The following KCNH7 variants were observed in gnomAD, a reference collection of about 807,000 sequenced individuals.
KCNH7 encodes the protein voltage-gated inwardly rectifying potassium channel KCNH7.
KCNH7 carries 49 observed loss-of-function variants against 120.8 expected under a neutral mutation model. The observed-to-expected ratio is 0.41, with a 90% CI of 0.32 to 0.51. The LOEUF (loss-of-function observed/expected upper bound fraction) is 0.51, where lower values mean the gene tolerates loss of function less well. KCNH7 is among the 20% of genes least tolerant of loss of function. The pLI, the probability that KCNH7 is intolerant of heterozygous loss-of-function variation, is 0.38. For synonymous variants in KCNH7, 547 were observed against 516.1 expected, an observed-to-expected ratio of 1.06 and a Z score of -0.81; for missense variants, 1,097 against 1,446.6, an observed-to-expected ratio of 0.76 and a Z score of 3.92.
At position 162,753,162 on chromosome 2, in the gene KCNH7, CTTTCT is replaced by C. The variant is rs1688665497; in HGVS notation, c.307+83370_307+83374del. Among the ~76,000 whole-genome samples the C allele has an allele frequency of 2.0e-5, 3 of 151,804 alleles. No homozygotes were observed. In the South Asian group the frequency reaches 6.2e-4, roughly 32 times the overall value. ...TTATAATTTGGCCCTGTCTTTGTTT[CTTTCT>C]TACTTGTTTGCTCATCGTGAGAATG... On this transcript the variant is annotated intron_variant, in intron 2 of 15. Coordinates refer to ENST00000332142, the MANE Select transcript of KCNH7 (RefSeq NM_033272.4).
At chr2:162,775,144 G>T (rs1683187573) in intron 2 of KCNH7, among the ~76,000 whole-genome samples, 1 of 151,958 alleles carries the variant, frequency 6.6e-6, no homozygotes, top group Non-Finnish European at 1.5e-5. Context: ...CTCTCCTACT[G>T]CATGCCTTCT....
chr2:162,633,604 T>C (rs1359922874), intron 2 of KCNH7, among the ~76,000 whole-genome samples: 1 of 152,002 alleles, frequency 6.6e-6, no homozygotes, highest in Non-Finnish European at 1.5e-5. Flanking sequence ...TTAATCCATC[T>C]AGAATTTATT....
intron 9 of KCNH7, among the ~76,000 whole-genome samples, chr2:162,421,414 T>C (rs572532981): frequency 3.9e-5 from 6 of 152,308 alleles, no homozygotes; most frequent in Admixed American, 2.6e-4. Context: ...GGTCAAGTCA[T>C]TGTTAAAGTT....
At position 162,809,936 on chromosome 2, in the gene KCNH7, G is replaced by A. The variant is rs1435970316; in HGVS notation, c.307+26601C>T. Among the ~76,000 whole-genome samples the A allele has an allele frequency of 1.6e-4, 2 of 12,354 alleles. 1 individual carries two copies. Among genetic ancestry groups the A allele is most frequent in the Non-Finnish European group, 3.8e-4 (2 of 5,300 alleles). 8.1% of individuals were successfully genotyped at this position (12,354 alleles called of 152,430 possible). ...TTTTTTTTTTTTTTTTTTTTTTTGA[G>A]ACGGAGTCTCGCTCTGTCGCCCAGG... On this transcript the variant is annotated intron_variant, in intron 2 of 15. Transcript: ENST00000332142.
At position 162,567,298 on chromosome 2, in the gene KCNH7, T is replaced by C. The variant is rs1693290092; in HGVS notation, c.308-30218A>G. Among the ~76,000 whole-genome samples, 4 of 152,010 alleles carry C rather than the reference T, an allele frequency of 2.6e-5. No individual in the cohort carries two copies. The South Asian group carries it at 8.3e-4, about 31-fold the overall frequency. On this transcript the variant is annotated intron_variant, in intron 2 of 15. Coordinates refer to ENST00000332142, the MANE Select transcript of KCNH7 (RefSeq NM_033272.4). Reference sequence around the variant, plus strand: ...AAAGAGATCCCTCTTTTTTACTCTCTTTTCTTCCTGCCTTCCTTTCAGAAA... The same window carrying C: ...AAAGAGATCCCTCTTTTTTACTCTCCTTTCTTCCTGCCTTCCTTTCAGAAA...
At chr2:162,641,145 A>G (rs1171547185) in intron 2 of KCNH7, among the ~76,000 whole-genome samples, 1 of 152,214 alleles carries the variant, frequency 6.6e-6, no homozygotes, top group African/African-American at 2.4e-5. Context: ...TCAACGCAGA[A>G]CTACCACATG....
At position 162,704,279 on chromosome 2, in the gene KCNH7, TA is replaced by T. The variant is rs893070920; in HGVS notation, c.307+132257del. Among the ~76,000 whole-genome samples, 5 of 152,130 alleles carry T rather than the reference TA, an allele frequency of 3.3e-5. No individual in the cohort carries two copies. The South Asian group carries it at 6.2e-4, about 19-fold the overall frequency. ...CCAGAGTGGGCCAATGTTGATAGAT[TA>T]AAAAATTAAAAGGTGCAAAATAATG... On this transcript the variant is annotated intron_variant, in intron 2 of 15. Transcript: ENST00000332142.
intron 2 of KCNH7, among the ~76,000 whole-genome samples, chr2:162,754,310 G>A (rs1448079160): frequency 6.6e-6 from 1 of 151,924 alleles, no homozygotes; most frequent in Non-Finnish European, 1.5e-5. Flanking sequence ...GAAAGAGAAC[G>A]AAAAAGAAAG....
At chr2:162,508,934 C>T (rs978706719) in intron 5 of KCNH7, among the ~76,000 whole-genome samples, 12 of 151,522 alleles carry the variant, frequency 7.9e-5, no homozygotes, top group African/African-American at 2.4e-4. Flanking sequence ...TCATGTAAAA[C>T]GCAGAAGCAT....
At chr2:162,698,582 A>G (rs1208926060) in intron 2 of KCNH7, among the ~76,000 whole-genome samples, 3 of 152,118 alleles carry the variant, frequency 2.0e-5, no homozygotes, top group Non-Finnish European at 2.9e-5. Context: ...GTGTTTGAGC[A>G]AAACTCAAAG....
intron 2 of KCNH7, among the ~76,000 whole-genome samples, chr2:162,654,711 C>T (rs964172568): frequency 6.6e-6 from 1 of 152,024 alleles, no homozygotes; most frequent in Non-Finnish European, 1.5e-5. Flanking sequence ...GGTCACTGAG[C>T]ATTATTCACA....
intron 2 of KCNH7, among the ~76,000 whole-genome samples, chr2:162,677,906 T>C (rs1259693020): frequency 6.6e-6 from 1 of 151,530 alleles, no homozygotes; most frequent in Non-Finnish European, 1.5e-5. Flanking sequence ...TCTATTCATT[T>C]ATTGTCCATT....
chr2:162,435,743 C>CT (rs543612496), intron 7 of KCNH7, 146 bp from the exon 8 acceptor site: 3,389 of 634,062 alleles, frequency 5.3e-3, no homozygotes, highest in South Asian at 0.01. Context: ...AAACTTGGTT[C>CT]TTTTTTTTTT....
chr2:162,752,838 T>G, intron 2 of KCNH7, among the ~76,000 whole-genome samples: 1 of 147,970 alleles, frequency 6.8e-6, no homozygotes, highest in Non-Finnish European at 1.5e-5. Flanking sequence ...GAGGCAGAGG[T>G]TGCAGTGAGC....
chr2:162,470,508 G>A (rs1320573124), intron 6 of KCNH7, among the ~76,000 whole-genome samples: 5 of 149,286 alleles, frequency 3.3e-5, no homozygotes, highest in South Asian at 2.1e-4. Flanking sequence ...CCCCTCTGCC[G>A]GGCAGCCACC....
At chr2:162,489,130 G>C (rs896965731) in intron 6 of KCNH7, among the ~76,000 whole-genome samples, 3 of 152,122 alleles carry the variant, frequency 2.0e-5, no homozygotes, top group African/African-American at 7.2e-5. Flanking sequence ...CTAATTTGCT[G>C]CTTAATTAAA....
intron 2 of KCNH7, among the ~76,000 whole-genome samples, chr2:162,666,606 C>T (rs1685141505): frequency 6.6e-6 from 1 of 152,122 alleles, no homozygotes; most frequent in Admixed American, 6.6e-5. Context: ...CCTGTAGCTA[C>T]AATAAGTGTT....
At chr2:162,727,053 T>C (rs894866503) in intron 2 of KCNH7, among the ~76,000 whole-genome samples, 2 of 152,236 alleles carry the variant, frequency 1.3e-5, no homozygotes, top group Admixed American at 1.3e-4. Flanking sequence ...CAAAATATCA[T>C]GCATTCATAC....
At chr2:162,640,672 A>G (rs936380398) in intron 2 of KCNH7, among the ~76,000 whole-genome samples, 1 of 152,136 alleles carries the variant, frequency 6.6e-6, no homozygotes, top group Non-Finnish European at 1.5e-5. Context: ...CACCCAAAAG[A>G]TGATACGTGG....
Sources: gnomAD v4.1 joint callset for allele counts (sites outside exome capture counted in the v4.1 genomes callset) on GRCh38, gnomAD v4.1.1 for gene constraint, MANE v1.5 for transcripts, NCBI Gene and HGNC (gene_info 2026-07-23, HGNC 2026-07-21) for gene names.